PYDC5: variants seen among roughly 807,000 people sequenced by gnomAD.
The protein encoded by PYDC5 is pyrin domain containing 5, also known as pyrin domain-containing protein 5.
At chr1:159,001,518 T>A in the PYDC5 span, among the ~76,000 whole-genome samples, 2 of 152,316 alleles carry the variant, frequency 1.3e-5, no homozygotes, top group South Asian at 4.1e-4. Flanking sequence ...TATAAAGTAT[T>A]TTAAGGGACA....
the PYDC5 span, among the ~76,000 whole-genome samples, chr1:159,000,560 A>T: frequency 6.6e-6 from 1 of 152,158 alleles, no homozygotes; most frequent in Non-Finnish European, 1.5e-5. Flanking sequence ...AGAAAATGGG[A>T]TCCATTTTCC....
At chr1:159,001,151 T>C in the PYDC5 span, among the ~76,000 whole-genome samples, 1 of 152,234 alleles carries the variant, frequency 6.6e-6, no homozygotes, top group Non-Finnish European at 1.5e-5. Flanking sequence ...TAGAACTACA[T>C]ATTGTCCCAT....
At chr1:159,001,132 G>T in the PYDC5 span, among the ~76,000 whole-genome samples, 2 of 152,150 alleles carry the variant, frequency 1.3e-5, no homozygotes, top group East Asian at 3.8e-4. Context: ...ATATAATTCA[G>T]AATGTGTGTA....
the PYDC5 span, chr1:159,000,278 G>C: frequency 5.6e-4 from 142 of 253,480 alleles, 1 homozygote; most frequent in African/African-American, 3.0e-3. Flanking sequence ...ATCCAGGCTG[G>C]TTAGCAAGAG....
the PYDC5 span, among the ~76,000 whole-genome samples, chr1:159,001,472 T>A: frequency 6.6e-6 from 1 of 152,234 alleles, no homozygotes; most frequent in African/African-American, 2.4e-5. Context: ...ACCCTATTTA[T>A]ACATGTAGAA....
chr1:159,002,328 GA>G, the PYDC5 span, among the ~76,000 whole-genome samples: 42 of 146,786 alleles, frequency 2.9e-4, no homozygotes, highest in Middle Eastern at 3.6e-3. Flanking sequence ...AAAAAAGAAA[GA>G]AAAAAAAAAC....
the PYDC5 span, chr1:159,000,481 T>C: frequency 6.5e-6 from 1 of 153,280 alleles, no homozygotes; most frequent in Non-Finnish European, 1.5e-5. Flanking sequence ...AAATAACTTT[T>C]TAAGCAAGAT....
At chr1:159,001,992 C>T in the PYDC5 span, among the ~76,000 whole-genome samples, 1 of 152,132 alleles carries the variant, frequency 6.6e-6, no homozygotes, top group Non-Finnish European at 1.5e-5. Flanking sequence ...GTACAAAGTG[C>T]TTTCACATGA....
the PYDC5 span, among the ~76,000 whole-genome samples, chr1:159,002,332 A>G: frequency 6.6e-5 from 10 of 152,208 alleles, no homozygotes; most frequent in Non-Finnish European, 1.2e-4. Context: ...AAGAAAGAAA[A>G]AAAAAACTAG....
the PYDC5 span, among the ~76,000 whole-genome samples, chr1:159,002,470 C>T: frequency 7.2e-5 from 11 of 152,180 alleles, no homozygotes; most frequent in South Asian, 2.3e-3. Flanking sequence ...CTTGCTCCTT[C>T]ACTCTGTTCA....
chr1:159,001,537 A>C, the PYDC5 span, among the ~76,000 whole-genome samples: 1 of 152,230 alleles, frequency 6.6e-6, no homozygotes, highest in Admixed American at 6.5e-5. Flanking sequence ...CATTTTCAAA[A>C]TAAGGAACAC....
the PYDC5 span, among the ~76,000 whole-genome samples, chr1:159,001,279 G>T: frequency 6.6e-6 from 1 of 152,146 alleles, no homozygotes. Context: ...TACTTTAAAA[G>T]TAGCAACCTA....
At chr1:159,001,369 T>TC in the PYDC5 span, among the ~76,000 whole-genome samples, 21 of 152,332 alleles carry the variant, frequency 1.4e-4, no homozygotes, top group African/African-American at 5.1e-4. Flanking sequence ...TAGGGGAGGC[T>TC]CCCATTGATA....
At chr1:159,001,748 T>G in the PYDC5 span, among the ~76,000 whole-genome samples, 67 of 152,322 alleles carry the variant, frequency 4.4e-4, no homozygotes, top group South Asian at 1.9e-3. Flanking sequence ...ACAATTTATA[T>G]ATAAGAAAAT....
chr1:159,000,243 T>C, the PYDC5 span: 2 of 259,826 alleles, frequency 7.7e-6, no homozygotes, highest in Non-Finnish European at 1.6e-5. Flanking sequence ...CACTTAAACC[T>C]ATCCAGTTCC....
At chr1:159,002,297 G>T in the PYDC5 span, among the ~76,000 whole-genome samples, 3 of 151,838 alleles carry the variant, frequency 2.0e-5, no homozygotes, top group South Asian at 6.2e-4. Context: ...AGTATGGAAT[G>T]ATTCTCTGTT....
the PYDC5 span, among the ~76,000 whole-genome samples, chr1:159,001,457 G>C: frequency 2.0e-5 from 3 of 152,142 alleles, no homozygotes; most frequent in Non-Finnish European, 4.4e-5. Context: ...GTGATAGCTA[G>C]AGAAACCCTA....
chr1:159,001,070 A>G, the PYDC5 span, among the ~76,000 whole-genome samples: 1 of 152,252 alleles, frequency 6.6e-6, no homozygotes, highest in Non-Finnish European at 1.5e-5. Flanking sequence ...TTTATAAAAA[A>G]GAAAAATTAA....
the PYDC5 span, chr1:158,999,992 G>A: frequency 1.3e-5 from 2 of 152,874 alleles, no homozygotes; most frequent in African/African-American, 2.4e-5. Flanking sequence ...TCCCAGAAAT[G>A]CCATGAAAGG....
Sources: gnomAD v4.1 joint callset for allele counts (sites outside exome capture counted in the v4.1 genomes callset) on GRCh38, gnomAD v4.1.1 for gene constraint, MANE v1.5 for transcripts, NCBI Gene and HGNC (gene_info 2026-07-23, HGNC 2026-07-21) for gene names.